Variants in STAG1 observed in about 807,000 individuals in gnomAD.
STAG1 encodes the protein cohesin subunit SA-1.
Under a neutral mutation model 170.9 loss-of-function variants are expected in STAG1, and 26 were observed. The observed-to-expected ratio is 0.15, with a 90% confidence interval of 0.11 to 0.21. The LOEUF is 0.21. Ranked by LOEUF, STAG1 falls within the 10% of genes least tolerant of loss-of-function variation. The pLI is 1.00. For missense variants in STAG1, 964 were observed against 1,509.5 expected, an observed-to-expected ratio of 0.64 and a Z score of 5.99; for synonymous variants, 514 against 497.7, an observed-to-expected ratio of 1.03 and a Z score of -0.44.
chr3:136,706,743 C>A (rs964582168), intron 1 of STAG1, among the ~76,000 whole-genome samples: 1 of 152,072 alleles, frequency 6.6e-6, no homozygotes, highest in African/African-American at 2.4e-5. Flanking sequence ...TGCAAGGGGT[C>A]CCAAACAGTC....
intron 1 of STAG1, among the ~76,000 whole-genome samples, chr3:136,688,624 TCAA>T (rs1942619745): frequency 6.6e-6 from 1 of 152,178 alleles, no homozygotes; most frequent in African/African-American, 2.4e-5. Flanking sequence ...ACTCCTGACA[TCAA>T]GTGATTTGCC....
intron 6 of STAG1, among the ~76,000 whole-genome samples, chr3:136,540,852 ACC>A (rs1174230616): frequency 7.1e-6 from 1 of 141,358 alleles, no homozygotes; most frequent in South Asian, 2.2e-4. Context: ...AAAAAAAAAA[ACC>A]TATATATTTA....
At chr3:136,495,053 T>C (rs933135624) in intron 9 of STAG1, among the ~76,000 whole-genome samples, 2 of 152,206 alleles carry the variant, frequency 1.3e-5, no homozygotes, top group Non-Finnish European at 2.9e-5. Context: ...CAACTTACAC[T>C]ACCTAATTTT....
At chr3:136,443,871 A>C (rs2088701537) in intron 14 of STAG1, among the ~76,000 whole-genome samples, 1 of 152,028 alleles carries the variant, frequency 6.6e-6, no homozygotes, top group Non-Finnish European at 1.5e-5. Flanking sequence ...AATACAAGTT[A>C]CTCCATCTCT....
intron 4 of STAG1, among the ~76,000 whole-genome samples, chr3:136,603,805 T>A (rs1315316359): frequency 6.6e-6 from 1 of 152,004 alleles, no homozygotes; most frequent in Non-Finnish European, 1.5e-5. Context: ...GGGAATGGCG[T>A]GAACCCGGGA....
intron 1 of STAG1, among the ~76,000 whole-genome samples, chr3:136,647,751 CAT>C (rs932673976): frequency 2.0e-5 from 3 of 152,168 alleles, no homozygotes; most frequent in Non-Finnish European, 2.9e-5. Flanking sequence ...ATTTCGTATA[CAT>C]GTTAGGCACT....
intron 1 of STAG1, among the ~76,000 whole-genome samples, chr3:136,716,727 T>G (rs1015530738): frequency 6.6e-6 from 1 of 152,202 alleles, no homozygotes; most frequent in Non-Finnish European, 1.5e-5. Flanking sequence ...AACATTTCAG[T>G]GCTTTAAAAA....
chr3:136,517,770 C>A (rs1222246323), intron 7 of STAG1, among the ~76,000 whole-genome samples: 1 of 151,986 alleles, frequency 6.6e-6, no homozygotes, highest in African/African-American at 2.4e-5. Flanking sequence ...CTATGTCCCA[C>A]TGAGATAGCT....
chr3:136,693,933 T>C (rs1171170527), intron 1 of STAG1, among the ~76,000 whole-genome samples: 1 of 152,146 alleles, frequency 6.6e-6, no homozygotes, highest in African/African-American at 2.4e-5. Flanking sequence ...GTCAGGGGTT[T>C]GTACAGTCTC....
chr3:136,608,075 G>A (rs1335622536), intron 3 of STAG1, among the ~76,000 whole-genome samples: 1 of 152,140 alleles, frequency 6.6e-6, no homozygotes, highest in Non-Finnish European at 1.5e-5. Context: ...TGGCCAACAT[G>A]GCAAAACCCC....
In STAG1 at chr3:136,477,193, A is replaced by G. The variant is rs540723540; in HGVS notation, c.1026+96T>C. 9 of 1,345,076 alleles carry G rather than the reference A, an allele frequency of 6.7e-6. No individual in the cohort carries two copies. The East Asian group carries it at 2.2e-4, about 33-fold the overall frequency. 83.3% of individuals were successfully genotyped at this position (1,345,076 alleles called of 1,614,324 possible). A position where few individuals can be genotyped will look rare whatever the true frequency, so the allele number is the denominator to read the frequency against. ...CATCTTAAAATTTCCACATGATTAC[A>G]ACTCCTGAAAAATCAACTACTGTCA... is the stretch of plus-strand genomic sequence containing the variant. On this transcript the variant is annotated intron_variant, in intron 10 of 33. Coordinates refer to ENST00000383202, the MANE Select transcript of STAG1 (RefSeq NM_005862.3).
chr3:136,542,808 C>T (rs1935971023), intron 5 of STAG1, among the ~76,000 whole-genome samples: 1 of 152,094 alleles, frequency 6.6e-6, no homozygotes, highest in African/African-American at 2.4e-5. Flanking sequence ...GATGCTTATA[C>T]ATTTAATCTT....
intron 5 of STAG1, among the ~76,000 whole-genome samples, chr3:136,567,783 G>T (rs545144781): frequency 6.6e-6 from 1 of 152,170 alleles, no homozygotes; most frequent in Non-Finnish European, 1.5e-5. Flanking sequence ...TGTTAACAAA[G>T]ATTAAATGAG....
chr3:136,553,392 G>A (rs917432890), intron 5 of STAG1, among the ~76,000 whole-genome samples: 1 of 152,064 alleles, frequency 6.6e-6, no homozygotes, highest in Non-Finnish European at 1.5e-5. Flanking sequence ...TAGAATGAAT[G>A]AAAAACAATA....
At chr3:136,374,173 T>C (rs1021391921) in intron 23 of STAG1, among the ~76,000 whole-genome samples, 16 of 152,166 alleles carry the variant, frequency 1.1e-4, no homozygotes, top group African/African-American at 3.9e-4. Flanking sequence ...CCCCTGCCTT[T>C]TTTTGTTTTC....
In STAG1 at chr3:136,445,707, T is replaced by C. The variant is rs2088759112; in HGVS notation, c.1429-2303A>G. 2.6e-5 allele frequency among the ~76,000 whole-genome samples: 4 copies of C among 152,226 alleles called. No individual in the cohort carries two copies. In the South Asian group the frequency reaches 8.3e-4, roughly 32 times the overall value. ...ATGAAGATTTACAATCGCATATATTTGGCAGATTATACCTTCAATAAATAC... is the reference window on the plus strand; with the variant it reads ...ATGAAGATTTACAATCGCATATATTCGGCAGATTATACCTTCAATAAATAC... On this transcript the variant is annotated intron_variant, in intron 14 of 33. Transcript: ENST00000383202.
At chr3:136,605,526 T>G (rs897914127) in intron 3 of STAG1, among the ~76,000 whole-genome samples, 1 of 152,214 alleles carries the variant, frequency 6.6e-6, no homozygotes, top group African/African-American at 2.4e-5. Flanking sequence ...CAGACAAGAC[T>G]TTTTTCCTTT....
chr3:136,561,325 G>A (rs942705019), intron 5 of STAG1, among the ~76,000 whole-genome samples: 18 of 152,148 alleles, frequency 1.2e-4, no homozygotes, highest in Admixed American at 3.9e-4. Flanking sequence ...TCCCCACTCC[G>A]TGGTTATAAA....
intron 14 of STAG1, among the ~76,000 whole-genome samples, chr3:136,451,677 C>G (rs990099021): frequency 6.6e-6 from 1 of 151,920 alleles, no homozygotes; most frequent in African/African-American, 2.4e-5. Flanking sequence ...GCAGGACAAG[C>G]CCTTGAATCT....
Sources: gnomAD v4.1 joint callset for allele counts (sites outside exome capture counted in the v4.1 genomes callset) on GRCh38, gnomAD v4.1.1 for gene constraint, MANE v1.5 for transcripts, NCBI Gene and HGNC (gene_info 2026-07-23, HGNC 2026-07-21) for gene names.